HR: variants seen among roughly 807,000 people sequenced by gnomAD.
The protein encoded by HR is lysine-specific demethylase hairless.
HR carries 83 observed loss-of-function variants against 128.6 expected under a neutral mutation model. The ratio of observed to expected loss-of-function variants is 0.65; its 90% CI spans 0.54 to 0.77. The LOEUF (loss-of-function observed/expected upper bound fraction) is 0.77. Ranked by LOEUF, HR falls within the 30% of genes least tolerant of loss-of-function variation. The probability of loss-of-function intolerance (pLI) is 0.00; values close to 1 mark genes in which losing one functional copy is unlikely to be tolerated. For synonymous variants in HR, 681 were observed against 658.2 expected (o/e 1.03, Z -0.53); for missense variants, 1,490 against 1,574.6 (o/e 0.95, Z 0.91).
At chr8:22,124,420 G>A (rs528115970) in intron 5 of HR, among the ~76,000 whole-genome samples, 1 of 152,348 alleles carries the variant, frequency 6.6e-6, no homozygotes, top group African/African-American at 2.4e-5. Context: ...TAAGAACCAA[G>A]TATGAGACTA....
intron 2 of HR, 119 bp downstream of exon 2, chr8:22,128,440 T>C: frequency 3.6e-6 from 5 of 1,397,890 alleles, no homozygotes; most frequent in Non-Finnish European, 5.0e-6. Context: ...TCCAAGCTGA[T>C]AGACCCCTCT....
intron 3 of HR, among the ~76,000 whole-genome samples, chr8:22,126,641 C>T (rs1826896948): frequency 6.6e-6 from 1 of 152,228 alleles, no homozygotes; most frequent in South Asian, 2.1e-4. Flanking sequence ...TTAACTTTTG[C>T]AGCAGTCTTC....
At chr8:22,117,733 G>A in intron 16 of HR, 1 of 152,692 alleles carries the variant, frequency 6.5e-6, no homozygotes, top group Admixed American at 6.5e-5. Context: ...TGTGCAAAGG[G>A]GACGCCAGCA....
rs748924717 is a variant in HR at position 22,119,279 on chromosome 8, C to A, written c.2982G>T (p.Val994=). 3 of 1,613,562 alleles carry A rather than the reference C, an allele frequency of 1.9e-6. No individual in the cohort carries two copies. The highest frequency in any genetic ancestry group is 2.5e-6 in the Non-Finnish European group (3 of 1,180,012). Residue 994 remains valine, a synonymous_variant, in exon 15 of 19, where the codon GTG becomes GTT. Coordinates refer to ENST00000381418, the MANE Select transcript of HR (RefSeq NM_005144.5). ...TCCCCAGGTGTCCCCGGTGCGGGCT[C>A]ACACCTGCATGGCAATAGAGAAAGA... ...LEPQLWAAYG[V]SPHRGHLGTK...
In HR at chr8:22,114,437, A is replaced by G. The variant is rs1826534874; in HGVS notation, c.*1263T>C. The G allele has an allele frequency of 6.7e-6, 1 of 150,042 alleles. No homozygotes were observed. Among genetic ancestry groups the G allele is most frequent in the African/African-American group, 2.5e-5 (1 of 39,778 alleles). 9.3% of individuals were successfully genotyped at this position (150,042 alleles called of 1,614,324 possible). ...AAGTATATTACCCTTATAATAAAAA[A>G]CTTTATTTAATAAAAAAAATTCCCC... On this transcript the variant is annotated 3_prime_UTR_variant, in exon 19 of 19. Coordinates refer to ENST00000381418, the MANE Select transcript of HR (RefSeq NM_005144.5).
intron 1 of HR, among the ~76,000 whole-genome samples, chr8:22,130,162 G>A (rs1827012780): frequency 1.3e-5 from 2 of 152,250 alleles, no homozygotes; most frequent in Admixed American, 6.5e-5. Context: ...GCACTAGAGC[G>A]GCAGCGCTGC....
Position 22,116,348 on chromosome 8 carries a change from G to A in HR, c.3459C>T (p.Cys1153=). 2 of 1,613,028 alleles carry A rather than the reference G, an allele frequency of 1.2e-6. No homozygotes were observed. The highest frequency in any genetic ancestry group is 1.7e-6 in the Non-Finnish European group (2 of 1,179,906). ...PETSALSAQL[C]HQGPSLPPDC... ...CAGGGGGAAGGCTGGGTCCCTGGTG[G>A]CAGAGCTGAGCAGAGAGGGCAGAGG... is the stretch of plus-strand genomic sequence containing the variant. The change falls in exon 18 of 19, where the codon TGC becomes TGT. Residue 1153 remains cysteine, a synonymous_variant. Transcript: ENST00000381418. This position sits in a 1 kb window ranked among gnomAD's most constrained non-coding sequence, Gnocchi z 4.2.
At chr8:22,120,078 G>A in intron 13 of HR, 26 bp downstream of exon 13, 1 of 1,574,786 alleles carries the variant, frequency 6.4e-7, no homozygotes, top group Non-Finnish European at 8.6e-7. Flanking sequence ...CGGGGAGGTA[G>A]GGCTGGCCCT....
At chr8:22,128,385 T>C (rs1826956549) in intron 2 of HR, 174 bp downstream of exon 2, 2 of 858,822 alleles carry the variant, frequency 2.3e-6, no homozygotes, top group South Asian at 1.5e-5. Flanking sequence ...ATGGAGCTGC[T>C]CAGGGTAGGG....
intron 3 of HR, among the ~76,000 whole-genome samples, chr8:22,126,376 C>T (rs1464029869): frequency 6.6e-6 from 1 of 152,260 alleles, no homozygotes; most frequent in Non-Finnish European, 1.5e-5. Flanking sequence ...TGCCAGGGTC[C>T]TCCGTGGAGG....
chr8:22,127,450 G>T lies in HR; in HGVS notation c.992C>A (p.Pro331Gln). The T allele has an allele frequency of 6.2e-7, 1 of 1,611,346 alleles. No individual in the cohort carries two copies. The change falls in exon 3 of 19, where the codon CCA becomes CAA. Residue 331 changes from proline (P) to glutamine (Q), a missense_variant. Around this residue, in one of 3 missense-constraint regions of HR, gnomAD observed 1,060 missense variants for 1,060.9 expected, o/e 1.00. Transcript: ENST00000381418. ...GCCAAGACCCCCACCTTTAGTGGGT[G>T]GGTAGGATGAACAGCAGCCCCGCTG... ...VTQRGCCSSY[P>Q]PTKGGGLGPC...
rs745695759 is a variant in HR at position 22,117,021 on chromosome 8, C to T, written c.3232G>A (p.Gly1078Ser). 1 of 1,511,002 alleles carries T rather than the reference C, an allele frequency of 6.6e-7. No individual in the cohort carries two copies. The highest frequency in any genetic ancestry group is 8.8e-7 in the Non-Finnish European group (1 of 1,135,338). The allele number at this position is 1,511,002 out of a possible 1,614,324, so 93.6% of individuals were successfully genotyped here. The change falls in exon 17 of 19, where the codon GGC becomes AGC. Residue 1078 changes from glycine to serine, a missense_variant. This residue lies in a region of HR where 423 missense variants were observed against 495.9 expected (regional missense o/e 0.85). Coordinates refer to ENST00000381418, the MANE Select transcript of HR (RefSeq NM_005144.5). The part of the protein sequence containing the change: ...FLQMVCPAGA[G>S]ALEPGAPGSC... Reference sequence around the variant, plus strand: ...CCTGGGGCGCCAGGCTCCAGGGCGCCTGCCCCGGCCGGGCACACCTCAAAG... The same window carrying T: ...CCTGGGGCGCCAGGCTCCAGGGCGCTTGCCCCGGCCGGGCACACCTCAAAG...
chr8:22,129,190 G>C lies in HR; in HGVS notation c.-20C>G, dbSNP rs768540484. 5 of 1,519,392 alleles carry C rather than the reference G, an allele frequency of 3.3e-6. No homozygotes were observed. The highest frequency in any genetic ancestry group is 4.4e-6 in the Non-Finnish European group (5 of 1,136,518). 94.1% of individuals were successfully genotyped at this position (1,519,392 alleles called of 1,614,324 possible). Reference sequence around the variant, plus strand: ...CTCCATCACTCTCCTGCCCTCATGGGGCTCTCCCAGAGGGGGGTCCCTGGA... The same window carrying C: ...CTCCATCACTCTCCTGCCCTCATGGCGCTCTCCCAGAGGGGGGTCCCTGGA... On this transcript the variant is annotated 5_prime_UTR_variant, in exon 2 of 19. Coordinates refer to ENST00000381418, the MANE Select transcript of HR (RefSeq NM_005144.5).
chr8:22,117,195 G>A, intron 16 of HR, 156 bp from the exon 17 acceptor site: 1 of 734,766 alleles, frequency 1.4e-6, no homozygotes, highest in Admixed American at 3.1e-5. Flanking sequence ...AGTTTGTTTG[G>A]GGCTGGGGCA....
At chr8:22,126,624 C>G (rs1410219502) in intron 3 of HR, among the ~76,000 whole-genome samples, 4 of 152,246 alleles carry the variant, frequency 2.6e-5, no homozygotes, top group Non-Finnish European at 5.9e-5. Context: ...ATGAATCATT[C>G]TAGCATTTAA....
rs765158970 is a variant in HR at position 22,118,976 on chromosome 8, G to A, written c.3187C>T (p.Gln1063Ter). The change falls in exon 16 of 19, where the codon CAG becomes TAG. Residue 1063 changes from glutamine to a stop codon, truncating the protein, a stop_gained. Coordinates refer to ENST00000381418, the MANE Select transcript of HR (RefSeq NM_005144.5). LOFTEE classifies it high-confidence loss of function. ...VWHVFRAQDA[Q>*]RIRRFLQMVC... ...ATCTGGAGAAAGCGGCGGATGCGCT[G>A]GGCGTCCTGTGCCCGGAACACGTGC... is the stretch of plus-strand genomic sequence containing the variant. 1.9e-6 allele frequency: 3 copies of A among 1,612,128 alleles called. No homozygotes were observed. Among genetic ancestry groups the A allele is most frequent in the Non-Finnish European group, 8.5e-7 (1 of 1,179,994 alleles).
Position 22,119,160 on chromosome 8 carries a change from C to G in HR, c.3097+4G>C, listed in dbSNP as rs1489054293. ...CCCGCTCCTGCCTCTGGCCGAGGAC[C>G]TACCTTTCTGTGCCCGGTGCCAGGC... On this transcript the variant is annotated splice_donor_region_variant and intron_variant, in intron 15 of 18. Transcript: ENST00000381418. 1.2e-6 allele frequency: 2 copies of G among 1,613,734 alleles called. No individual in the cohort carries two copies. Among genetic ancestry groups the G allele is most frequent in the African/African-American group, 1.3e-5 (1 of 74,932 alleles).
rs1170662506 is a variant in HR, at chr8:22,120,472, C to T, written c.2646G>A (p.Gln882=). Residue 882 remains glutamine, a synonymous_variant, in exon 12 of 19, where the codon CAG becomes CAA. Coordinates refer to ENST00000381418, the MANE Select transcript of HR (RefSeq NM_005144.5). ...VLVSGIQRTL[Q]GNLWGTEALG... ...GAGCTTCTGTCCCCCACAGGTTGCC[C>T]TGCAATGTCCTTTGGATCCCTGACA... 3 of 1,613,896 alleles carry T rather than the reference C, an allele frequency of 1.9e-6. No individual in the cohort carries two copies. In the African/African-American group the frequency reaches 4.0e-5, roughly 22 times the overall value.
At position 22,128,725 on chromosome 8, in the gene HR, G is replaced by A. The variant is rs753998172; in HGVS notation, c.446C>T (p.Thr149Ile). 23 of 1,588,102 alleles carry A rather than the reference G, an allele frequency of 1.4e-5. No individual in the cohort carries two copies. Among genetic ancestry groups the A allele is most frequent in the African/African-American group, 2.7e-5 (2 of 74,672 alleles). ...RPWHCPFLLE[T>I]KILERAPFWV... Reference sequence around the variant, plus strand: ...GAAGGGAGCTCGCTCCAGGATCTTGGTCTCCAGAAGGAAAGGGCAGTGCCA... The same window carrying A: ...GAAGGGAGCTCGCTCCAGGATCTTGATCTCCAGAAGGAAAGGGCAGTGCCA... The change falls in exon 2 of 19, where the codon ACC becomes ATC. Residue 149 changes from threonine (T) to isoleucine (I), a missense_variant. Coordinates refer to ENST00000381418, the MANE Select transcript of HR (RefSeq NM_005144.5).
Sources: allele counts gnomAD v4.1 joint callset (sites outside exome capture counted in the v4.1 genomes callset), GRCh38; gene constraint gnomAD v4.1.1; regional missense constraint gnomAD v4.1.1; non-coding constraint Gnocchi (gnomAD v3.1); transcripts MANE v1.5; gene names NCBI Gene and HGNC (gene_info 2026-07-23, HGNC 2026-07-21).